The following BRCA1 variants were observed in gnomAD, a reference collection of about 807,000 sequenced individuals.
BRCA1 encodes breast cancer type 1 susceptibility protein.
BRCA1 carries 140 observed loss-of-function variants against 173.7 expected under a neutral mutation model. That is an observed-to-expected ratio of 0.81 (90% CI 0.70 to 0.93). The LOEUF (loss-of-function observed/expected upper bound fraction) is 0.93. Among genes scored for constraint, BRCA1 ranks in the 40% least tolerant of loss-of-function variants. BRCA1 has a pLI of 0.00. For synonymous variants in BRCA1, 662 were observed against 756.0 expected, an observed-to-expected ratio of 0.88 and a Z score of 2.04; for missense variants, 1,983 against 2,172.5, an observed-to-expected ratio of 0.91 and a Z score of 1.73.
intron 3 of BRCA1, among the ~76,000 whole-genome samples, chr17:43,111,596 C>T (rs779201590): frequency 3.3e-5 from 5 of 151,540 alleles, no homozygotes; most frequent in Non-Finnish European, 5.9e-5. Context: ...CCAAGGCGGG[C>T]AGATCACGAG....
chr17:43,114,061 T>TTA (rs2055156591), intron 3 of BRCA1, among the ~76,000 whole-genome samples: 1 of 143,756 alleles, frequency 7.0e-6, no homozygotes, highest in Admixed American at 6.8e-5. Flanking sequence ...GGCAATAGAG[T>TTA]GAAACACCAT....
At chr17:43,120,761 T>G (rs1446705654) in intron 2 of BRCA1, among the ~76,000 whole-genome samples, 4 of 133,114 alleles carry the variant, frequency 3.0e-5, no homozygotes, top group Non-Finnish European at 6.4e-5. Flanking sequence ...CGAGACTCCG[T>G]CTCAAAAACA....
chr17:43,107,205 C>T (rs1167810520), intron 3 of BRCA1, among the ~76,000 whole-genome samples: 1 of 151,502 alleles, frequency 6.6e-6, no homozygotes, highest in East Asian at 1.9e-4. Flanking sequence ...GCTGGGACTA[C>T]AGGCGCCCAG....
chr17:43,099,730 A>G (rs777639827), intron 7 of BRCA1, 45 bp downstream of exon 7: 2 of 1,493,170 alleles, frequency 1.3e-6, no homozygotes, highest in South Asian at 2.3e-5. Flanking sequence ...AAGATAAGGA[A>G]TCCAGCAATT....
At chr17:43,147,496 CAG>C (rs2056131244) in intron 1 of BRCA1, among the ~76,000 whole-genome samples, 1 of 152,016 alleles carries the variant, frequency 6.6e-6, no homozygotes, top group Non-Finnish European at 1.5e-5. Flanking sequence ...GCAGTAGTGA[CAG>C]GGTTTCACCA....
At chr17:43,135,819 A>G (rs2056016458) in intron 1 of BRCA1, among the ~76,000 whole-genome samples, 1 of 152,168 alleles carries the variant, frequency 6.6e-6, no homozygotes, top group South Asian at 2.1e-4. Context: ...GAGCTGGGCG[A>G]GAGGCCCTGA....
intron 5 of BRCA1, 89 bp from the exon 6 acceptor site, chr17:43,104,350 G>T: frequency 1.5e-6 from 2 of 1,379,242 alleles, no homozygotes; most frequent in Non-Finnish European, 2.0e-6. Flanking sequence ...CCCTATGTAT[G>T]CTCTTTGTTG....
At chr17:43,141,544 G>A (rs370081997) in intron 1 of BRCA1, among the ~76,000 whole-genome samples, 6 of 151,976 alleles carry the variant, frequency 3.9e-5, no homozygotes, top group Non-Finnish European at 7.4e-5. Context: ...CACCGGGCAC[G>A]GTGGCTCACA....
chr17:43,138,333 A>G (rs1483794988), intron 1 of BRCA1: 5 of 416,718 alleles, frequency 1.2e-5, no homozygotes, highest in Non-Finnish European at 2.2e-5. Flanking sequence ...CTTTCATTCC[A>G]GTGAAAACAT....
In BRCA1 at chr17:43,044,724, T is replaced by G. The variant is rs954025741; in HGVS notation, c.*954A>C. On this transcript the variant is annotated 3_prime_UTR_variant, in exon 23 of 23. Transcript: ENST00000357654. ...TTTGGAAACCGGTTCTTGAAAATCTTCTGCTGTTTTAGAACACATTCTTTA... is the reference window on the plus strand; with the variant it reads ...TTTGGAAACCGGTTCTTGAAAATCTGCTGCTGTTTTAGAACACATTCTTTA... 3 of 504,944 alleles carry G rather than the reference T, an allele frequency of 5.9e-6. No individual in the cohort carries two copies. Among genetic ancestry groups the G allele is most frequent in the African/African-American group, 5.7e-5 (3 of 52,256 alleles). 31.3% of individuals were successfully genotyped at this position (504,944 alleles called of 1,614,324 possible).
intron 1 of BRCA1, among the ~76,000 whole-genome samples, chr17:43,131,539 A>T (rs769106095): frequency 9.2e-5 from 14 of 152,000 alleles, no homozygotes; most frequent in East Asian, 1.9e-4. Context: ...GCTTCATTTT[A>T]TTGAACCCCG....
rs561395866 is a variant in BRCA1, at chr17:43,077,981, T to C, written c.4358-1367A>G. On this transcript the variant is annotated intron_variant, in intron 12 of 22. Transcript: ENST00000357654. ...AACTCCCGACCTCAGGTGATCTGCC[T>C]GCCTCGGCCTCCCAAAGTGATGGGA... 5.3e-5 allele frequency among the ~76,000 whole-genome samples: 8 copies of C among 150,740 alleles called. No homozygotes were observed. In the East Asian group the frequency reaches 1.0e-3, roughly 19 times the overall value.
chr17:43,145,176 A>C (rs532261249), intron 1 of BRCA1: 1 of 708,542 alleles, frequency 1.4e-6, no homozygotes, highest in East Asian at 3.0e-5. Flanking sequence ...AAGAAGATTT[A>C]CCTGCAGAAA....
chr17:43,144,314 G>A (rs2056102437), intron 1 of BRCA1: 4 of 246,878 alleles, frequency 1.6e-5, no homozygotes, highest in Admixed American at 5.3e-5. Flanking sequence ...GGGCTTGAGG[G>A]CTTGGGAAAA....
chr17:43,104,716 G>C (rs902849842), intron 5 of BRCA1, 152 bp downstream of exon 5: 6 of 701,258 alleles, frequency 8.6e-6, no homozygotes, highest in Non-Finnish European at 1.5e-5. Context: ...AGACCAGTGG[G>C]AGTAATTTTT....
At position 43,138,901 on chromosome 17, in the gene BRCA1, C is replaced by T. The variant is rs188352703; in HGVS notation, c.-19-14786G>A. 1.9e-4 allele frequency: 151 copies of T among 778,904 alleles called. No homozygotes were observed. The Middle Eastern group carries it at 2.8e-3, about 15-fold the overall frequency. 48.2% of individuals were successfully genotyped at this position (778,904 alleles called of 1,614,324 possible). On this transcript the variant is annotated intron_variant, in intron 1 of 7. Transcript: ENST00000634433. ...GTGTCCCAAGTTTCCTGACTTCTTC[C>T]ATCCTCTGGAAATCAGCTGTGGTAA...
At chr17:43,064,991 C>A (rs950698498) in intron 16 of BRCA1, among the ~76,000 whole-genome samples, 12 of 151,844 alleles carry the variant, frequency 7.9e-5, no homozygotes, top group African/African-American at 2.7e-4. Context: ...CCACCATGCC[C>A]GGCTAATTTT....
intron 22 of BRCA1, among the ~76,000 whole-genome samples, chr17:43,046,806 A>T (rs1315337241): frequency 2.0e-5 from 3 of 151,574 alleles, no homozygotes; most frequent in Non-Finnish European, 4.4e-5. Context: ...CCTTGCTCTG[A>T]AGAGGCCCTA....
upstream of BRCA1, chr17:43,125,597 A>G: frequency 3.3e-6 from 1 of 298,702 alleles, no homozygotes; most frequent in East Asian, 9.1e-5. Flanking sequence ...GAAGAATTCT[A>G]CCTGAGTTTG....
Sources: allele counts gnomAD v4.1 joint callset (sites outside exome capture counted in the v4.1 genomes callset), GRCh38; gene constraint gnomAD v4.1.1; transcripts MANE v1.5; gene names NCBI Gene and HGNC (gene_info 2026-07-23, HGNC 2026-07-21).